Variants in HTR4 observed in about 807,000 individuals in gnomAD.
HTR4 encodes the protein 5-hydroxytryptamine receptor 4.
A neutral mutation model predicts 36.8 loss-of-function variants in HTR4; 16 were observed. That is an observed-to-expected ratio of 0.43 (90% CI 0.29 to 0.66). HTR4 has a LOEUF of 0.66. HTR4 is among the 30% of genes least tolerant of loss of function. The pLI, the probability that HTR4 is intolerant of heterozygous loss-of-function variation, is 0.13. For missense variants in HTR4, 438 were observed against 490.9 expected (o/e 0.89, Z 1.02); for synonymous variants, 189 against 185.1 (o/e 1.02, Z -0.17).
chr5:148,458,419 GAC>G (rs1242098070), intron 5 of HTR4, among the ~76,000 whole-genome samples: 1 of 152,024 alleles, frequency 6.6e-6, no homozygotes, highest in East Asian at 1.9e-4. Context: ...TCAGAGTGGA[GAC>G]ACAGTCCCTG....
At chr5:148,516,465 A>G (rs139699419) in intron 5 of HTR4, among the ~76,000 whole-genome samples, 2,378 of 151,728 alleles carry the variant, frequency 0.016, 34 homozygotes, top group Middle Eastern at 0.048. Context: ...GATTAAAGGC[A>G]CATTCCACCA....
intron 2 of HTR4, among the ~76,000 whole-genome samples, chr5:148,615,464 G>C (rs1373809922): frequency 8.3e-5 from 12 of 144,992 alleles, no homozygotes; most frequent in Admixed American, 5.0e-4. Context: ...CTCACTCATA[G>C]GTGGGAATTG....
intron 2 of HTR4, among the ~76,000 whole-genome samples, chr5:148,570,592 G>A (rs2113880310): frequency 6.6e-6 from 1 of 152,190 alleles, no homozygotes; most frequent in Middle Eastern, 3.4e-3. Context: ...CAACTGAAAG[G>A]AGACAAAGAT....
intron 2 of HTR4, among the ~76,000 whole-genome samples, chr5:148,573,104 A>T (rs1760743839): frequency 6.6e-6 from 1 of 152,102 alleles, no homozygotes; most frequent in African/African-American, 2.4e-5. Flanking sequence ...ACTGTCATGC[A>T]GTTCTAAAGA....
intron 1 of HTR4, among the ~76,000 whole-genome samples, chr5:148,641,483 C>G (rs1021005410): frequency 2.6e-5 from 4 of 152,322 alleles, no homozygotes; most frequent in Admixed American, 2.6e-4. Context: ...AGGAGTTAAG[C>G]AAACTCTTCT....
At chr5:148,457,769 CATTAAAATAT>C (rs1243893806) in intron 5 of HTR4, among the ~76,000 whole-genome samples, 74 of 139,118 alleles carry the variant, frequency 5.3e-4, no homozygotes, top group African/African-American at 2.0e-3. Context: ...TTTGGTATAT[CATTAAAATAT>C]ATTTTGACAT....
chr5:148,529,545 G>A (rs1235132530), intron 4 of HTR4, among the ~76,000 whole-genome samples: 1 of 152,198 alleles, frequency 6.6e-6, no homozygotes, highest in Non-Finnish European at 1.5e-5. Flanking sequence ...CATCCACATT[G>A]AACTGTGAGT....
chr5:148,599,256 T>A (rs1281895240), intron 2 of HTR4, among the ~76,000 whole-genome samples: 1 of 151,990 alleles, frequency 6.6e-6, no homozygotes, highest in Non-Finnish European at 1.5e-5. Context: ...CTGAAACACA[T>A]CAAATCACAA....
chr5:148,558,517 A>G (rs1760055756), intron 2 of HTR4, among the ~76,000 whole-genome samples: 1 of 152,192 alleles, frequency 6.6e-6, no homozygotes, highest in Non-Finnish European at 1.5e-5. Context: ...ATTCTCAAGA[A>G]CTTTTCCTTT....
chr5:148,633,633 G>A (rs913351919), intron 2 of HTR4, among the ~76,000 whole-genome samples: 1 of 148,904 alleles, frequency 6.7e-6, no homozygotes, highest in African/African-American at 2.5e-5. Flanking sequence ...TGCGGTGTTT[G>A]GTTTTCTTTT....
chr5:148,574,424 G>A (rs529081594), intron 2 of HTR4, among the ~76,000 whole-genome samples: 61 of 151,828 alleles, frequency 4.0e-4, no homozygotes, highest in Admixed American at 8.5e-4. Context: ...ACACACACAC[G>A]TGACAGATTT....
chr5:148,556,002 G>A (rs1759934418), intron 2 of HTR4, among the ~76,000 whole-genome samples: 1 of 151,776 alleles, frequency 6.6e-6, no homozygotes, highest in Non-Finnish European at 1.5e-5. Flanking sequence ...TTTCTGGAGA[G>A]TCAAGAACAT....
chr5:148,506,372 T>C (rs1485760765), intron 6 of HTR4, among the ~76,000 whole-genome samples: 1 of 152,042 alleles, frequency 6.6e-6, no homozygotes, highest in Non-Finnish European at 1.5e-5. Flanking sequence ...AAAAATTAAT[T>C]CAAGATGGAT....
chr5:148,640,993 G>A lies in HTR4; in HGVS notation c.-47-3932C>T, dbSNP rs147471764. On this transcript the variant is annotated intron_variant, in intron 1 of 6. Coordinates refer to ENST00000377888, the MANE Select transcript of HTR4 (RefSeq NM_000870.7). ...ATTTTATCAGAGAGAAAGGAACAGA[G>A]GAAGGAGGAGTTGATGATTAGTACC... is the stretch of plus-strand genomic sequence containing the variant. 2.4e-3 allele frequency among the ~76,000 whole-genome samples: 365 copies of A among 152,244 alleles called. 3 individuals carry two copies. The highest frequency in any genetic ancestry group is 8.5e-3 in the African/African-American group (352 of 41,550).
intron 6 of HTR4, among the ~76,000 whole-genome samples, chr5:148,502,047 GA>G: frequency 6.7e-6 from 1 of 148,778 alleles, no homozygotes; most frequent in Non-Finnish European, 1.5e-5. Flanking sequence ...GCGACAGAGC[GA>G]AACTCTGTCT....
At chr5:148,644,909 C>A (rs1434820608) in intron 1 of HTR4, 4 of 152,140 alleles carry the variant, frequency 2.6e-5, no homozygotes, top group Non-Finnish European at 5.9e-5. Flanking sequence ...GGAAATGAAG[C>A]AACACCAACA....
chr5:148,612,173 C>T (rs929074100), intron 2 of HTR4, among the ~76,000 whole-genome samples: 20 of 152,096 alleles, frequency 1.3e-4, no homozygotes, highest in Non-Finnish European at 2.2e-4. Flanking sequence ...CTGCACCAAG[C>T]GGACCTAATA....
intron 2 of HTR4, among the ~76,000 whole-genome samples, chr5:148,595,573 A>T (rs562379391): frequency 2.8e-4 from 42 of 152,300 alleles, no homozygotes; most frequent in Non-Finnish European, 5.1e-4. Context: ...GCAATGACAT[A>T]ACATTTGTAA....
intron 2 of HTR4, among the ~76,000 whole-genome samples, chr5:148,615,606 A>G (rs1408275217): frequency 6.6e-6 from 1 of 151,328 alleles, no homozygotes; most frequent in African/African-American, 2.4e-5. Flanking sequence ...GGTGTAGCAC[A>G]CCAGCATGGC....
Sources: allele counts gnomAD v4.1 joint callset (sites outside exome capture counted in the v4.1 genomes callset), GRCh38; gene constraint gnomAD v4.1.1; transcripts MANE v1.5; gene names NCBI Gene and HGNC (gene_info 2026-07-23, HGNC 2026-07-21).